Variants in FRMD3 observed in about 807,000 individuals in gnomAD.
FRMD3 encodes the protein FERM domain containing 3, also known as FERM domain-containing protein 3.
In FRMD3, 33 loss-of-function variants were observed where a neutral mutation model predicts 70.2. The observed-to-expected ratio is 0.47, with a 90% CI of 0.36 to 0.63. The LOEUF is 0.63. FRMD3 is among the 20% of genes least tolerant of loss of function. The probability of loss-of-function intolerance (pLI) is 0.00; values close to 1 mark genes in which losing one functional copy is unlikely to be tolerated. For synonymous variants in FRMD3, 279 were observed against 255.9 expected (o/e 1.09, Z -0.86); for missense variants, 632 against 711.4 (o/e 0.89, Z 1.27).
intron 2 of FRMD3, among the ~76,000 whole-genome samples, chr9:83,378,532 A>G (rs1291427404): frequency 1.5e-5 from 2 of 129,664 alleles, no homozygotes; most frequent in Non-Finnish European, 3.1e-5. Flanking sequence ...TAAAATTTAT[A>G]TATATAATAT....
At chr9:83,436,807 C>T (rs1223716142) in intron 1 of FRMD3, among the ~76,000 whole-genome samples, 1 of 144,964 alleles carries the variant, frequency 6.9e-6, no homozygotes, top group Non-Finnish European at 1.5e-5. Context: ...AAAAACAAGA[C>T]AGCTAGACAG....
chr9:83,244,339 TTA>T (rs869170025), downstream of FRMD3, among the ~76,000 whole-genome samples: 185 of 20,858 alleles, frequency 8.9e-3, 1 homozygote, highest in South Asian at 0.047. Context: ...CCCTCTTCTA[TTA>T]TTTTTTCTGT....
At chr9:83,437,127 G>A (rs1274801044) in intron 1 of FRMD3, among the ~76,000 whole-genome samples, 1 of 152,190 alleles carries the variant, frequency 6.6e-6, no homozygotes, top group African/African-American at 2.4e-5. Flanking sequence ...TCACATAAGG[G>A]TCACCTGATG....
intron 1 of FRMD3, among the ~76,000 whole-genome samples, chr9:83,513,775 T>C (rs796167833): frequency 1.2e-4 from 18 of 152,150 alleles, no homozygotes; most frequent in African/African-American, 3.6e-4. Context: ...GTTCATCTCA[T>C]TGGAACTGGT....
At chr9:83,410,866 C>T (rs1392716031) in intron 1 of FRMD3, among the ~76,000 whole-genome samples, 2 of 152,186 alleles carry the variant, frequency 1.3e-5, no homozygotes, top group East Asian at 1.9e-4. Context: ...TGCTCTGACT[C>T]GTCCCGGCTC....
At chr9:83,408,443 T>A (rs72745045) in intron 1 of FRMD3, among the ~76,000 whole-genome samples, 3,766 of 152,248 alleles carry the variant, frequency 0.025, 72 homozygotes, top group Non-Finnish European at 0.039. Context: ...GTCAGGCTGA[T>A]GTGGACATCT....
intron 12 of FRMD3, chr9:83,297,587 G>A (rs886581465): frequency 1.1e-5 from 4 of 360,742 alleles, no homozygotes; most frequent in Non-Finnish European, 2.2e-5. Context: ...CTGCTGCATT[G>A]AATAAGTACA....
chr9:83,467,755 C>T (rs969534385), intron 1 of FRMD3: 43 of 1,501,430 alleles, frequency 2.9e-5, no homozygotes, highest in Middle Eastern at 1.7e-4. Context: ...AATCTAAGCT[C>T]GCTGCAGTTT....
chr9:83,455,567 G>A (rs1430789123), intron 1 of FRMD3, among the ~76,000 whole-genome samples: 2 of 152,144 alleles, frequency 1.3e-5, no homozygotes, highest in Admixed American at 6.5e-5. Context: ...CAGCCATGTG[G>A]AACTATAAGC....
intron 1 of FRMD3, among the ~76,000 whole-genome samples, chr9:83,470,168 C>T (rs1383505696): frequency 6.6e-6 from 1 of 152,148 alleles, no homozygotes; most frequent in East Asian, 1.9e-4. Context: ...CACCACAGCC[C>T]CAGATTCCAG....
chr9:83,455,586 A>T (rs1827796097), intron 1 of FRMD3, among the ~76,000 whole-genome samples: 1 of 151,870 alleles, frequency 6.6e-6, no homozygotes, highest in Admixed American at 6.6e-5. Flanking sequence ...GCCCAATTAA[A>T]CCTCTTTTTC....
chr9:83,328,539 T>C (rs1357175156), intron 6 of FRMD3, among the ~76,000 whole-genome samples: 1 of 152,230 alleles, frequency 6.6e-6, no homozygotes, highest in East Asian at 1.9e-4. Flanking sequence ...CTCTTGATAG[T>C]CGAAGGCGCT....
chr9:83,345,025 G>C (rs1282645851), intron 4 of FRMD3, among the ~76,000 whole-genome samples: 1 of 152,134 alleles, frequency 6.6e-6, no homozygotes. Context: ...AGGTCACAGG[G>C]ACGCTGTCAA....
chr9:83,421,808 A>G (rs12352281), intron 1 of FRMD3, among the ~76,000 whole-genome samples: 2,354 of 152,318 alleles, frequency 0.015, 57 homozygotes, highest in African/African-American at 0.054. Context: ...CTTATCTTAA[A>G]TGTAAGGAGT....
At chr9:83,458,676 A>C (rs1459534280) in intron 1 of FRMD3, among the ~76,000 whole-genome samples, 1 of 152,234 alleles carries the variant, frequency 6.6e-6, no homozygotes, top group African/African-American at 2.4e-5. Context: ...ATGAAAAGCA[A>C]GGAGATTCAG....
At chr9:83,417,841 G>A (rs188273347) in intron 1 of FRMD3, among the ~76,000 whole-genome samples, 1 of 152,258 alleles carries the variant, frequency 6.6e-6, no homozygotes, top group Admixed American at 6.5e-5. Flanking sequence ...AGGAGTGAAG[G>A]AAGTTCCAAG....
intron 1 of FRMD3, among the ~76,000 whole-genome samples, chr9:83,419,679 T>C (rs1214543718): frequency 6.6e-6 from 1 of 151,884 alleles, no homozygotes; most frequent in Non-Finnish European, 1.5e-5. Flanking sequence ...TGTGTGTTTA[T>C]GTGTGTTGAG....
At chr9:83,509,587 A>C (rs780918061) in intron 1 of FRMD3, among the ~76,000 whole-genome samples, 58 of 152,328 alleles carry the variant, frequency 3.8e-4, no homozygotes, top group Non-Finnish European at 7.4e-4. Context: ...CCTGGGAAAA[A>C]GCAGGGAGCT....
At chr9:83,503,577 C>T (rs183009688) in intron 1 of FRMD3, among the ~76,000 whole-genome samples, 306 of 152,282 alleles carry the variant, frequency 2.0e-3, no homozygotes, top group Non-Finnish European at 3.9e-3. Context: ...AGTATAGAAC[C>T]CAGCCAAGCC....
Sources: gnomAD v4.1 joint callset for allele counts (sites outside exome capture counted in the v4.1 genomes callset) on GRCh38, gnomAD v4.1.1 for gene constraint, MANE v1.5 for transcripts, NCBI Gene and HGNC (gene_info 2026-07-23, HGNC 2026-07-21) for gene names.